Variants in UAP1 observed in about 807,000 individuals in gnomAD.
The protein encoded by UAP1 is UDP-N-acetylglucosamine pyrophosphorylase 1.
In UAP1, 25 loss-of-function variants were observed where a neutral mutation model predicts 58.5. That is an observed-to-expected ratio of 0.43 (90% CI 0.31 to 0.60). UAP1 has a LOEUF of 0.60. Ranked by LOEUF, UAP1 falls within the 20% of genes least tolerant of loss-of-function variation. The pLI, the probability that UAP1 is intolerant of heterozygous loss-of-function variation, is 0.11. For synonymous variants in UAP1, 208 were observed against 213.0 expected, an observed-to-expected ratio of 0.98 and a Z score of 0.21; for missense variants, 575 against 630.0, an observed-to-expected ratio of 0.91 and a Z score of 0.93.
chr1:162,561,770 C>G (rs1449603284), exon 1 of UAP1: 1 of 152,454 alleles, frequency 6.6e-6, no homozygotes, highest in African/African-American at 2.4e-5. Context: ...GCGGTCGCGC[C>G]GAGAAAGGTG....
chr1:162,567,718 A>G (rs1653602594), intron 2 of UAP1, among the ~76,000 whole-genome samples: 1 of 152,176 alleles, frequency 6.6e-6, no homozygotes, highest in African/African-American at 2.4e-5. Context: ...GAAATAACAG[A>G]TTGCCCATAA....
intron 2 of UAP1, among the ~76,000 whole-genome samples, chr1:162,567,274 A>G (rs1047864955): frequency 1.3e-5 from 2 of 152,218 alleles, no homozygotes; most frequent in African/African-American, 4.8e-5. Flanking sequence ...CTAGCTTATC[A>G]TAAGAGTTCT....
intron 1 of UAP1, 93 bp from the exon 2 acceptor site, chr1:162,565,919 T>C (rs1653459024): frequency 2.6e-6 from 2 of 780,132 alleles, no homozygotes; most frequent in African/African-American, 3.5e-5. Context: ...TTTTTTAACA[T>C]CGTTTTGAAA....
At chr1:162,561,659 C>G (rs1412625463) in exon 1 of UAP1, 1 of 152,300 alleles carries the variant, frequency 6.6e-6, no homozygotes, top group Non-Finnish European at 1.5e-5. Flanking sequence ...CGCTCCCGGC[C>G]CGCCCCGCCG....
intron 3 of UAP1, 49 bp from the exon 4 acceptor site, chr1:162,579,379 C>T: frequency 7.6e-7 from 1 of 1,310,390 alleles, no homozygotes; most frequent in Non-Finnish European, 9.9e-7. Context: ...TTATTTTGCC[C>T]TAGTCCACCT....
At chr1:162,599,506 G>T in exon 11 of UAP1, 1 of 496,718 alleles carries the variant, frequency 2.0e-6, no homozygotes, top group Non-Finnish European at 3.6e-6. Flanking sequence ...TAGAGCTATT[G>T]CAAACTTCCC....
chr1:162,579,319 A>G (rs1654400946), intron 3 of UAP1, 109 bp from the exon 4 acceptor site: 1 of 783,834 alleles, frequency 1.3e-6, no homozygotes, highest in Admixed American at 3.6e-5. Context: ...AGTCAAAATA[A>G]TAAGCAAGTG....
At chr1:162,589,032 C>T (rs1655088283) in intron 7 of UAP1, among the ~76,000 whole-genome samples, 199 bp downstream of exon 7, 1 of 138,748 alleles carries the variant, frequency 7.2e-6, no homozygotes, top group Non-Finnish European at 1.5e-5. Context: ...CCTATGAGTA[C>T]AACTTTTTTT....
In UAP1 at chr1:162,587,499, G is replaced by GA; in HGVS notation, c.861dup (p.Pro288ThrfsTer18). The GA allele has an allele frequency of 2.5e-6, 4 of 1,613,766 alleles. No homozygotes were observed. The highest frequency in any genetic ancestry group is 3.4e-6 in the Non-Finnish European group (4 of 1,179,802). ...GGTGGTAGAGAAAACGAACCCTACAGAACCAGTTGGAGTGGTTTGCCGAGT... is the reference window on the plus strand; with the variant it reads ...GGTGGTAGAGAAAACGAACCCTACAGAAACCAGTTGGAGTGGTTTGCCGAGT... On this transcript the variant is annotated frameshift_variant, in exon 6 of 11. Transcript: ENST00000271469. LOFTEE classifies it high-confidence loss of function.
In UAP1 at chr1:162,586,908, G is replaced by T. The variant is rs368527340; in HGVS notation, c.835-567G>T. ...ATGGGTGGGTTTTCTAATTAAAGTT[G>T]GAGTGGGAGGCTAGTGACCTGCCTG... On this transcript the variant is annotated intron_variant, in intron 5 of 10. Transcript: ENST00000271469. Among the ~76,000 whole-genome samples the T allele has an allele frequency of 3.6e-3, 552 of 152,196 alleles. 5 individuals are homozygous for T. Among genetic ancestry groups the T allele is most frequent in the African/African-American group, 0.013 (533 of 41,520 alleles).
intron 2 of UAP1, among the ~76,000 whole-genome samples, chr1:162,574,282 G>A (rs979528469): frequency 2.0e-5 from 3 of 151,776 alleles, no homozygotes; most frequent in Admixed American, 6.6e-5. Flanking sequence ...CAGTAGAGAC[G>A]GGGTTTCACC....
At chr1:162,565,880 T>G (rs2101727535) in intron 1 of UAP1, 132 bp from the exon 2 acceptor site, 1 of 607,144 alleles carries the variant, frequency 1.6e-6, no homozygotes, top group African/African-American at 1.8e-5. Context: ...CTCTTACAAA[T>G]ATTGAGTGAT....
intron 7 of UAP1, among the ~76,000 whole-genome samples, chr1:162,589,209 AT>A (rs1655137243): frequency 8.9e-6 from 1 of 111,928 alleles, no homozygotes; most frequent in African/African-American, 3.6e-5. Context: ...TTATATTTAA[AT>A]ATATATAATA....
intron 3 of UAP1, among the ~76,000 whole-genome samples, chr1:162,577,931 A>G (rs1654310750): frequency 1.3e-5 from 2 of 151,388 alleles, no homozygotes; most frequent in South Asian, 4.2e-4. Flanking sequence ...TTTTTTTTAT[A>G]GAGACAGGGT....
chr1:162,581,975 G>A (rs1215869856), intron 5 of UAP1, among the ~76,000 whole-genome samples: 1 of 152,194 alleles, frequency 6.6e-6, no homozygotes. Context: ...CTAAGTTGGA[G>A]GGAGGTTTGT....
At chr1:162,589,204 T>TATATATATA (rs1491137286) in intron 7 of UAP1, among the ~76,000 whole-genome samples, 3 of 43,244 alleles carry the variant, frequency 6.9e-5, no homozygotes, top group African/African-American at 2.0e-4. Flanking sequence ...ATATATTATA[T>TATATATATA]TTAAATATAT....
At chr1:162,597,264 G>T (rs1034306484) in intron 9 of UAP1, 1 of 152,180 alleles carries the variant, frequency 6.6e-6, no homozygotes, top group African/African-American at 2.4e-5. Flanking sequence ...CTGAGAAACT[G>T]AATTTTAAAT....
At position 162,571,472 on chromosome 1, in the gene UAP1, C is replaced by T. The variant is rs1227206463; in HGVS notation, c.280+5124C>T. ...TTCAGTTTTGCCTGTGTTGAGTTCC[C>T]TTGTGTAGGAAAATTATTAACCCTT... is the stretch of plus-strand genomic sequence containing the variant. On this transcript the variant is annotated intron_variant, in intron 2 of 10. Transcript: ENST00000271469. 2.6e-5 allele frequency among the ~76,000 whole-genome samples: 4 copies of T among 152,198 alleles called. No individual in the cohort carries two copies. In the East Asian group the frequency reaches 7.7e-4, roughly 29 times the overall value.
intron 6 of UAP1, among the ~76,000 whole-genome samples, chr1:162,588,330 A>G (rs1023859709): frequency 3.3e-5 from 5 of 152,138 alleles, no homozygotes; most frequent in Non-Finnish European, 5.9e-5. Flanking sequence ...TAGAATATCA[A>G]CTCCAGTTCC....
Sources: allele counts gnomAD v4.1 joint callset (sites outside exome capture counted in the v4.1 genomes callset), GRCh38; gene constraint gnomAD v4.1.1; transcripts MANE v1.5; gene names NCBI Gene and HGNC (gene_info 2026-07-23, HGNC 2026-07-21).